The following ARHGEF18 variants were observed in gnomAD, a reference collection of about 807,000 sequenced individuals.
The protein encoded by ARHGEF18 is rho guanine nucleotide exchange factor 18.
Under a neutral mutation model 155.7 loss-of-function variants are expected in ARHGEF18, and 93 were observed. The observed-to-expected ratio is 0.60, with a 90% CI of 0.50 to 0.71. ARHGEF18 has a LOEUF of 0.71. ARHGEF18 is among the 30% of genes least tolerant of loss of function. The pLI is 0.00. For missense variants in ARHGEF18, 1,593 were observed against 1,816.1 expected, an observed-to-expected ratio of 0.88 and a Z score of 2.23; for synonymous variants, 742 against 753.1, an observed-to-expected ratio of 0.99 and a Z score of 0.24.
chr19:7,357,312 C>G (rs541144196), intron 1 of ARHGEF18, among the ~76,000 whole-genome samples: 1 of 152,310 alleles, frequency 6.6e-6, no homozygotes, highest in East Asian at 1.9e-4. Context: ...TGCCTGTGAC[C>G]CAGGTCCCTA....
chr19:7,361,261 C>T (rs1969534637), intron 1 of ARHGEF18, among the ~76,000 whole-genome samples: 3 of 151,998 alleles, frequency 2.0e-5, no homozygotes, highest in Admixed American at 2.0e-4. Flanking sequence ...CGTAGCAAGA[C>T]CCCCGTCTCT....
intron 10 of ARHGEF18, among the ~76,000 whole-genome samples, chr19:7,414,805 C>CAA (rs58827075): frequency 0.47 from 67,883 of 144,392 alleles, 17,688 homozygotes; most frequent in Middle Eastern, 0.7. Context: ...GACTCTGTCT[C>CAA]AAAAAAAAAG....
At chr19:7,411,877 G>T (rs1308633593) in intron 10 of ARHGEF18, among the ~76,000 whole-genome samples, 1 of 152,090 alleles carries the variant, frequency 6.6e-6, no homozygotes, top group African/African-American at 2.4e-5. Flanking sequence ...TTTGTGACTG[G>T]CTTATTTCAC....
chr19:7,415,662 TC>T (rs1322889256), intron 10 of ARHGEF18, among the ~76,000 whole-genome samples: 3 of 151,500 alleles, frequency 2.0e-5, no homozygotes, highest in Non-Finnish European at 4.4e-5. Flanking sequence ...GTCCTCTCCC[TC>T]CCTCCCTGAA....
chr19:7,475,941 C>T (rs116687008), downstream of ARHGEF18, among the ~76,000 whole-genome samples: 583 of 152,292 alleles, frequency 3.8e-3, 6 homozygotes, highest in African/African-American at 0.013. Context: ...ACTCGTGAGT[C>T]CTGGGCAGAA....
intron 15 of ARHGEF18, among the ~76,000 whole-genome samples, chr19:7,448,747 G>C (rs12609999): frequency 0.18 from 27,997 of 151,928 alleles, 2,866 homozygotes; most frequent in Non-Finnish European, 0.23. Context: ...CGTGTAGAAT[G>C]ATCTTCCTGC....
rs780534987 is a variant in ARHGEF18 at position 7,440,360 on chromosome 19, C to A, written c.984C>A (p.His328Gln). The A allele has an allele frequency of 6.2e-7, 1 of 1,612,400 alleles. No homozygotes were observed. The highest frequency in any genetic ancestry group is 1.3e-5 in the African/African-American group (1 of 74,954). The part of the protein sequence containing the change: ...PFLSSASLKE[H>Q]PRGTLLSDGS... The stretch of plus-strand genomic sequence containing the variant: ...CTGTCACAGCCTCGCTCAAGGAGCA[C>A]CCCCGGGGCACCCTCCTGTCCGATG... The change falls in exon 11 of 29, where the codon CAC (histidine) becomes CAA (glutamine). Residue 328 changes from histidine to glutamine, a missense_variant. By Grantham distance (24) the His-to-Gln change is conservative. Transcript: ENST00000668164. This position sits in a 1 kb window ranked among gnomAD's most constrained non-coding sequence, Gnocchi z 5.4.
chr19:7,404,016 C>T (rs938211765), intron 10 of ARHGEF18, among the ~76,000 whole-genome samples: 4 of 150,598 alleles, frequency 2.7e-5, no homozygotes, highest in East Asian at 3.9e-4. Flanking sequence ...TGTAGTCAGA[C>T]GAGATTGAGC....
intron 19 of ARHGEF18, 33 bp downstream of exon 19, chr19:7,458,723 G>C: frequency 1.9e-6 from 3 of 1,584,018 alleles, no homozygotes; most frequent in Non-Finnish European, 2.6e-6. Flanking sequence ...CCCACCCACT[G>C]TGTTCCTTCC....
intron 10 of ARHGEF18, among the ~76,000 whole-genome samples, chr19:7,386,840 G>A (rs1476024730): frequency 6.6e-6 from 1 of 152,002 alleles, no homozygotes; most frequent in Non-Finnish European, 1.5e-5. Context: ...GGCTTCAGTG[G>A]CCCCTGTGTG....
chr19:7,370,053 C>A (rs1047682870), intron 2 of ARHGEF18, among the ~76,000 whole-genome samples: 2 of 151,980 alleles, frequency 1.3e-5, no homozygotes, highest in East Asian at 3.9e-4. Context: ...AAAAATCAGC[C>A]GGGCATGGTG....
intron 5 of ARHGEF18, among the ~76,000 whole-genome samples, chr19:7,377,818 C>T (rs1364887817): frequency 1.3e-5 from 2 of 149,752 alleles, no homozygotes; most frequent in Admixed American, 1.3e-4. Flanking sequence ...GGTGCGGTGG[C>T]TCACGCCTGT....
intron 1 of ARHGEF18, among the ~76,000 whole-genome samples, chr19:7,351,469 G>A (rs887985616): frequency 3.3e-5 from 5 of 151,174 alleles, no homozygotes; most frequent in African/African-American, 1.2e-4. Context: ...GACTACAGGC[G>A]CCCGCCACCA....
chr19:7,392,091 A>T (rs187097880), intron 10 of ARHGEF18, among the ~76,000 whole-genome samples: 1 of 151,464 alleles, frequency 6.6e-6, no homozygotes, highest in Non-Finnish European at 1.5e-5. Flanking sequence ...AAATACAAAA[A>T]TTAGCCAGAT....
At chr19:7,455,559 A>G (rs772724666) in intron 17 of ARHGEF18, among the ~76,000 whole-genome samples, 3 of 152,190 alleles carry the variant, frequency 2.0e-5, no homozygotes, top group Non-Finnish European at 4.4e-5. Context: ...CCTGGCCTGC[A>G]TCGCTGCTGT....
intron 2 of ARHGEF18, among the ~76,000 whole-genome samples, chr19:7,364,913 A>T (rs1969818049): frequency 6.6e-6 from 1 of 152,176 alleles, no homozygotes; most frequent in Admixed American, 6.5e-5. Flanking sequence ...GCAAGCTTTT[A>T]TATCCCCTTG....
At chr19:7,354,113 C>T (rs1969224192) in intron 1 of ARHGEF18, among the ~76,000 whole-genome samples, 1 of 151,966 alleles carries the variant, frequency 6.6e-6, no homozygotes, top group African/African-American at 2.4e-5. Flanking sequence ...AGTTTGAGAC[C>T]AGCCTGGGCA....
At chr19:7,431,254 C>T (rs1973942422) in intron 10 of ARHGEF18, among the ~76,000 whole-genome samples, 1 of 152,104 alleles carries the variant, frequency 6.6e-6, no homozygotes, top group African/African-American at 2.4e-5. Flanking sequence ...CGGTGGCTCA[C>T]CCCTGTAATC....
rs371878729 is a variant in ARHGEF18 at position 7,447,008 on chromosome 19, T to A, written c.1612-35T>A. The A allele has an allele frequency of 1.9e-5, 30 of 1,604,462 alleles. No individual in the cohort carries two copies. In the African/African-American group the frequency reaches 3.9e-4, roughly 21 times the overall value. On this transcript the variant is annotated intron_variant, in intron 14 of 28. Coordinates refer to ENST00000668164, the MANE Select transcript of ARHGEF18 (RefSeq NM_001367823.1). ...TGAAAATACTCTTTGGCAGTTTTCG[T>A]GTTTAATTAACATTTCCATCCTTTT...
Sources: allele counts gnomAD v4.1 joint callset (sites outside exome capture counted in the v4.1 genomes callset), GRCh38; gene constraint gnomAD v4.1.1; non-coding constraint Gnocchi (gnomAD v3.1); transcripts MANE v1.5; gene names NCBI Gene and HGNC (gene_info 2026-07-23, HGNC 2026-07-21).